FAM174C: variants seen among roughly 807,000 people sequenced by gnomAD.
FAM174C encodes family with sequence similarity 174 member C.
Under a neutral mutation model 12.3 loss-of-function variants are expected in FAM174C, and 19 were observed. The ratio of observed to expected loss-of-function variants is 1.55; its 90% CI spans 1.08 to 2.27. The LOEUF (loss-of-function observed/expected upper bound fraction) is 2.27, where lower values mean the gene tolerates loss of function less well. Ranked by LOEUF, FAM174C falls within the 30% of genes most tolerant of loss-of-function variation. FAM174C has a pLI of 0.00. For synonymous variants in FAM174C, 147 were observed against 103.5 expected, an observed-to-expected ratio of 1.42 and a Z score of -2.55; for missense variants, 239 against 190.2, an observed-to-expected ratio of 1.26 and a Z score of -1.51.
chr19:1,277,514 T>C (rs929068304), intron 2 of FAM174C, among the ~76,000 whole-genome samples: 4 of 152,164 alleles, frequency 2.6e-5, no homozygotes, highest in Non-Finnish European at 5.9e-5. Flanking sequence ...CATTTATTTA[T>C]TTTTGAGGTG....
At chr19:1,278,644 TG>T (rs2081426168) in intron 2 of FAM174C, 132 bp from the exon 3 acceptor site, 6 of 1,495,642 alleles carry the variant, frequency 4.0e-6, no homozygotes, top group East Asian at 2.5e-5. Context: ...GGGAGGCCAG[TG>T]GGGGGAGGCT....
At chr19:1,276,543 C>T (rs1047331973) in intron 1 of FAM174C, 1 of 152,458 alleles carries the variant, frequency 6.6e-6, no homozygotes, top group South Asian at 2.1e-4. Context: ...CTGGCAAAGT[C>T]AAGCCGCTTT....
Position 1,278,808 on chromosome 19 carries a change from G to C in FAM174C, c.*31G>C. ...AGCCAGGGAGGCGGCCCTTCCAGCA[G>C]CCATGAGGGAAGGACAGGAGATGGG... On this transcript the variant is annotated 3_prime_UTR_variant, in exon 3 of 3. Coordinates refer to ENST00000409293, the MANE Select transcript of FAM174C (RefSeq NM_017914.4). 6.2e-7 allele frequency: 1 copy of C among 1,613,030 alleles called. No homozygotes were observed. The highest frequency in any genetic ancestry group is 8.5e-7 in the Non-Finnish European group (1 of 1,179,894).
chr19:1,278,788 G>A lies in FAM174C; in HGVS notation c.*11G>A, dbSNP rs770177490. On this transcript the variant is annotated 3_prime_UTR_variant, in exon 3 of 3. Transcript: ENST00000409293. ...CCCCCTGCTTTCAGATGCTGAGCCA[G>A]GGAGGCGGCCCTTCCAGCAGCCATG... The A allele has an allele frequency of 1.9e-5, 30 of 1,612,692 alleles. No homozygotes were observed. The highest frequency in any genetic ancestry group is 2.5e-5 in the Non-Finnish European group (29 of 1,179,854).
intron 1 of FAM174C, chr19:1,276,275 C>G (rs1186469012): frequency 1.7e-5 from 3 of 172,266 alleles, no homozygotes; most frequent in Admixed American, 6.1e-5. Flanking sequence ...CCCACTGAAG[C>G]TGGTTCGTCG....
rs914681451 is a variant in FAM174C, at chr19:1,275,588, CCTGCTGGCGCTG to C, written c.49_60del (p.Leu17_Ala20del). 1.0e-4 allele frequency: 130 copies of C among 1,238,660 alleles called. No homozygotes were observed. The highest frequency in any genetic ancestry group is 8.6e-4 in the African/African-American group (55 of 63,734). 76.7% of individuals were successfully genotyped at this position (1,238,660 alleles called of 1,614,324 possible). On this transcript the variant is annotated inframe_deletion, in exon 1 of 3. Transcript: ENST00000409293. The stretch of plus-strand genomic sequence containing the variant: ...TGCTGCAGCCGCCGCTGCTGCTGCT[CCTGCTGGCGCTG>C]CTGCTGGCGGCGCTGCCGTGCGGTG...
In FAM174C at chr19:1,275,693, G is replaced by A. The variant is rs929779514; in HGVS notation, c.144G>A (p.Gly48=). Residue 48 remains glycine (G), a synonymous_variant, in exon 1 of 3, where the codon GGG becomes GGA. Transcript: ENST00000409293. ...TLSPPPAVTN[G]SQPGAPHNST... ...CGCCGCCGCCGGCCGTGACGAACGG[G>A]AGCCAGCCGGGCGCGCCACACAACA... 4.0e-6 allele frequency: 6 copies of A among 1,483,240 alleles called. No individual in the cohort carries two copies. Among genetic ancestry groups the A allele is most frequent in the Non-Finnish European group, 5.3e-6 (6 of 1,126,530 alleles). 91.9% of individuals were successfully genotyped at this position (1,483,240 alleles called of 1,614,324 possible). A position where few individuals can be genotyped will look rare whatever the true frequency, so the allele number is the denominator to read the frequency against.
chr19:1,276,938 C>T (rs369475848), intron 1 of FAM174C: 2 of 400,870 alleles, frequency 5.0e-6, no homozygotes, highest in Admixed American at 4.1e-5. Flanking sequence ...CGTGCCTCTC[C>T]TGGGGTCCTG....
Position 1,275,798 on chromosome 19 carries a change from G to T in FAM174C, c.249G>T (p.Leu83=), listed in dbSNP as rs1010397207. Residue 83 remains leucine, a synonymous_variant, in exon 1 of 3, where the codon CTG becomes CTT. Coordinates refer to ENST00000409293, the MANE Select transcript of FAM174C (RefSeq NM_017914.4). ...ACGTGATCCTGGGCTTCTGCGGCCT[G>T]ACCGCGCTCTACTTCCTGATCCGGG... is the stretch of plus-strand genomic sequence containing the variant. ...SFYVILGFCG[L]TALYFLIRAF... 18 of 1,538,462 alleles carry T rather than the reference G, an allele frequency of 1.2e-5. No individual in the cohort carries two copies. Among genetic ancestry groups the T allele is most frequent in the Non-Finnish European group, 1.6e-5 (18 of 1,146,290 alleles).
rs746690677 is a variant in FAM174C, at chr19:1,275,733, C to T, written c.184C>T (p.Pro62Ser). 16 of 1,533,790 alleles carry T rather than the reference C, an allele frequency of 1.0e-5. No homozygotes were observed. Among genetic ancestry groups the T allele is most frequent in the African/African-American group, 1.4e-5 (1 of 71,516 alleles). ...GAPHNSTHTR[P>S]PGASGSALTR... ...GCCACACAACAGCACGCACACGCGT[C>T]CGCCGGGGGCGTCGGGCTCGGCGCT... The change falls in exon 1 of 3, where the codon CCG (proline) becomes TCG (serine). Residue 62 changes from proline (P) to serine (S), a missense_variant. Pro to Ser is a moderately conservative substitution (Grantham distance 74). Coordinates refer to ENST00000409293, the MANE Select transcript of FAM174C (RefSeq NM_017914.4).
Position 1,275,611 on chromosome 19 carries a change from C to T in FAM174C, c.62C>T (p.Ala21Val), listed in dbSNP as rs2081408261. The T allele has an allele frequency of 4.8e-6, 6 of 1,258,080 alleles. No individual in the cohort carries two copies. Among genetic ancestry groups the T allele is most frequent in the Admixed American group, 4.3e-5 (1 of 23,400 alleles). The allele number at this position is 1,258,080 out of a possible 1,614,324, so 77.9% of individuals were successfully genotyped here. ...LLLLLALLLA[A>V]LPCGAEEASP... ...CTCCTGCTGGCGCTGCTGCTGGCGG[C>T]GCTGCCGTGCGGTGCCGAAGAGGCC... Residue 21 changes from alanine (A) to valine (V), a missense_variant, in exon 1 of 3, where the codon GCG becomes GTG. By Grantham distance (64) the Ala-to-Val change is moderately conservative. Transcript: ENST00000409293.
Position 1,277,311 on chromosome 19 carries a change from TC to T in FAM174C, c.398+16del. 1 of 1,535,088 alleles carries T rather than the reference TC, an allele frequency of 6.5e-7. No homozygotes were observed. The highest frequency in any genetic ancestry group is 8.8e-7 in the Non-Finnish European group (1 of 1,134,306). ...CGGAATCTGAGATGGTGTGCACCCT[TC>T]CCCAGCTCTGGGGCCTCGGTGGGCA... On this transcript the variant is annotated intron_variant, in intron 2 of 2. Transcript: ENST00000409293.
In FAM174C at chr19:1,278,864, C is replaced by T. The variant is rs1327494054; in HGVS notation, c.*87C>T. The T allele has an allele frequency of 1.2e-6, 2 of 1,612,916 alleles. No homozygotes were observed. Among genetic ancestry groups the T allele is most frequent in the African/African-American group, 1.3e-5 (1 of 74,914 alleles). ...CCCCAGTGCCCAGCAACCCCCTGCT[C>T]CACCGCTCATTCCCCTGCTGGCCCC... On this transcript the variant is annotated 3_prime_UTR_variant, in exon 3 of 3. Transcript: ENST00000409293.
At position 1,275,562 on chromosome 19, in the gene FAM174C, G is replaced by T; in HGVS notation, c.13G>T (p.Val5Leu). The change falls in exon 1 of 3, where the codon GTG becomes TTG. Residue 5 changes from valine (V) to leucine (L), a missense_variant. By Grantham distance (32) the Val-to-Leu change is conservative. Transcript: ENST00000409293. MGPR[V>L]LQPPLLLLLL... The stretch of plus-strand genomic sequence containing the variant: ...CTTCCGCCGGGCCATGGGGCCGCGC[G>T]TGCTGCAGCCGCCGCTGCTGCTGCT... 4 of 1,217,490 alleles carry T rather than the reference G, an allele frequency of 3.3e-6. No homozygotes were observed. Among genetic ancestry groups the T allele is most frequent in the Non-Finnish European group, 4.1e-6 (4 of 979,708 alleles). The allele number at this position is 1,217,490 out of a possible 1,614,324, so 75.4% of individuals were successfully genotyped here.
Position 1,278,858 on chromosome 19 carries a change from C to G in FAM174C, c.*81C>G. 1 of 1,613,014 alleles carries G rather than the reference C, an allele frequency of 6.2e-7. No homozygotes were observed. On this transcript the variant is annotated 3_prime_UTR_variant, in exon 3 of 3. Coordinates refer to ENST00000409293, the MANE Select transcript of FAM174C (RefSeq NM_017914.4). ...GGCCCACCCCAGTGCCCAGCAACCCCCTGCTCCACCGCTCATTCCCCTGCT... is the reference window on the plus strand; with the variant it reads ...GGCCCACCCCAGTGCCCAGCAACCCGCTGCTCCACCGCTCATTCCCCTGCT...
At chr19:1,278,283 G>T (rs888982055) in intron 2 of FAM174C, among the ~76,000 whole-genome samples, 1 of 29,736 alleles carries the variant, frequency 3.4e-5, no homozygotes, top group East Asian at 3.2e-3. Flanking sequence ...AGCAGGGAGC[G>T]GCCGGGCTGC....
At position 1,278,946 on chromosome 19, in the gene FAM174C, G is replaced by T; in HGVS notation, c.*169G>T. On this transcript the variant is annotated 3_prime_UTR_variant, in exon 3 of 3. Coordinates refer to ENST00000409293, the MANE Select transcript of FAM174C (RefSeq NM_017914.4). The stretch of plus-strand genomic sequence containing the variant: ...GCTCCTTTTGGAACCTGCACAGCCC[G>T]CCGACCTGTTGCCACCTGCACCCAC... The T allele has an allele frequency of 6.2e-7, 1 of 1,612,920 alleles. No individual in the cohort carries two copies. The highest frequency in any genetic ancestry group is 1.1e-5 in the South Asian group (1 of 91,086).
At chr19:1,276,988 T>G in intron 1 of FAM174C, 195 bp from the exon 2 acceptor site, 1 of 857,154 alleles carries the variant, frequency 1.2e-6, no homozygotes, top group Non-Finnish European at 1.7e-6. Flanking sequence ...GCACATGTCT[T>G]CTTACTGTCA....
Position 1,278,815 on chromosome 19 carries a change from G to C in FAM174C, c.*38G>C, listed in dbSNP as rs753554140. On this transcript the variant is annotated 3_prime_UTR_variant, in exon 3 of 3. Coordinates refer to ENST00000409293, the MANE Select transcript of FAM174C (RefSeq NM_017914.4). ...GAGGCGGCCCTTCCAGCAGCCATGA[G>C]GGAAGGACAGGAGATGGGGCCCACC... The C allele has an allele frequency of 6.2e-7, 1 of 1,613,058 alleles. No homozygotes were observed. The highest frequency in any genetic ancestry group is 1.7e-4 in the Middle Eastern group (1 of 6,058).
Sources: gnomAD v4.1 joint callset for allele counts (sites outside exome capture counted in the v4.1 genomes callset) on GRCh38, gnomAD v4.1.1 for gene constraint, MANE v1.5 for transcripts, NCBI Gene and HGNC (gene_info 2026-07-23, HGNC 2026-07-21) for gene names.